Variants in KIF16B observed in about 807,000 individuals in gnomAD.
KIF16B encodes kinesin-like protein KIF16B.
A neutral mutation model predicts 156.3 loss-of-function variants in KIF16B; 98 were observed. That is an observed-to-expected ratio of 0.63 (90% CI 0.53 to 0.74). The LOEUF (loss-of-function observed/expected upper bound fraction) is 0.74. KIF16B is among the 30% of genes least tolerant of loss of function. KIF16B has a pLI of 0.00. For synonymous variants in KIF16B, 564 were observed against 583.7 expected, an observed-to-expected ratio of 0.97 and a Z score of 0.49; for missense variants, 1,421 against 1,606.5, an observed-to-expected ratio of 0.88 and a Z score of 1.97.
chr20:16,367,444 G>A (rs866021454), intron 22 of KIF16B: 3 of 1,612,900 alleles, frequency 1.9e-6, no homozygotes, highest in East Asian at 2.2e-5. Context: ...TGCACCCGGA[G>A]GAGGTATGTT....
At chr20:16,301,810 C>T (rs546289423) in intron 25 of KIF16B, among the ~76,000 whole-genome samples, 12 of 152,070 alleles carry the variant, frequency 7.9e-5, no homozygotes, top group South Asian at 2.1e-4. Context: ...CCACTACACC[C>T]GGCTAATTTT....
intron 17 of KIF16B, among the ~76,000 whole-genome samples, chr20:16,397,222 T>G (rs1007097726): frequency 1.3e-5 from 2 of 152,098 alleles, no homozygotes; most frequent in African/African-American, 2.4e-5. Flanking sequence ...TGCAGGAAAA[T>G]TATCTCCTGG....
chr20:16,360,972 A>T lies in KIF16B; in HGVS notation c.3499-4520T>A, dbSNP rs182487357. Reference sequence around the variant, plus strand: ...GAGTCATTAACAGTTGTCCCTAAACATTCTAATTATGTACCAGACGGTCAA... The same window carrying T: ...GAGTCATTAACAGTTGTCCCTAAACTTTCTAATTATGTACCAGACGGTCAA... On this transcript the variant is annotated intron_variant, in intron 22 of 25. Coordinates refer to ENST00000354981, the MANE Select transcript of KIF16B (RefSeq NM_024704.5). Among the ~76,000 whole-genome samples, 152 of 152,330 alleles carry T rather than the reference A, an allele frequency of 1.0e-3. 2 individuals are homozygous for T. Among genetic ancestry groups the T allele is most frequent in the Non-Finnish European group, 2.5e-4 (17 of 68,038 alleles).
At position 16,573,276 on chromosome 20, in the gene KIF16B, C is replaced by A. The variant is rs1241475819; in HGVS notation, c.-1G>T. ...TCACGGCCACCTTGACCGATGCCAT[C>A]GCTCATCCCGAACCAGCCCGCGCGG... On this transcript the variant is annotated 5_prime_UTR_variant, in exon 1 of 26. Coordinates refer to ENST00000354981, the MANE Select transcript of KIF16B (RefSeq NM_024704.5). 1.2e-6 allele frequency: 2 copies of A among 1,609,928 alleles called. No homozygotes were observed. The highest frequency in any genetic ancestry group is 1.1e-5 in the South Asian group (1 of 90,416).
chr20:16,367,145 C>T, intron 22 of KIF16B: 1 of 1,586,682 alleles, frequency 6.3e-7, no homozygotes, highest in African/African-American at 1.4e-5. Context: ...AAGTCTCCTC[C>T]TTAGAGTCTT....
intron 17 of KIF16B, among the ~76,000 whole-genome samples, chr20:16,387,523 A>G (rs1341492171): frequency 6.6e-6 from 1 of 152,232 alleles, no homozygotes; most frequent in African/African-American, 2.4e-5. Context: ...TTACAGGAAA[A>G]GAAATCAAAG....
intron 2 of KIF16B, among the ~76,000 whole-genome samples, chr20:16,527,385 T>G (rs759695403): frequency 1.3e-5 from 2 of 152,194 alleles, no homozygotes; most frequent in Non-Finnish European, 2.9e-5. Flanking sequence ...ACTTTGAAAT[T>G]GGATCTCAAA....
At chr20:16,363,736 T>C (rs1056096310) in intron 22 of KIF16B, among the ~76,000 whole-genome samples, 1 of 152,218 alleles carries the variant, frequency 6.6e-6, no homozygotes, top group Admixed American at 6.5e-5. Context: ...AGACCGACCC[T>C]GGTTGAGCAA....
At chr20:16,383,515 T>A (rs1419561551) in intron 17 of KIF16B, among the ~76,000 whole-genome samples, 1 of 152,214 alleles carries the variant, frequency 6.6e-6, no homozygotes, top group East Asian at 1.9e-4. Context: ...AAATCAGCCA[T>A]ATAAATCTAA....
At chr20:16,549,728 G>C (rs1228271328) in intron 1 of KIF16B, among the ~76,000 whole-genome samples, 5 of 139,870 alleles carry the variant, frequency 3.6e-5, no homozygotes, top group Admixed American at 7.3e-5. Flanking sequence ...ACAAACCTGA[G>C]AAAAACAAGC....
chr20:16,412,506 C>T (rs2065983288), intron 15 of KIF16B, among the ~76,000 whole-genome samples: 1 of 152,138 alleles, frequency 6.6e-6, no homozygotes, highest in Non-Finnish European at 1.5e-5. Flanking sequence ...ATGTAACTGA[C>T]TCACAGTTCA....
intron 24 of KIF16B, among the ~76,000 whole-genome samples, chr20:16,329,618 A>C (rs945317786): frequency 2.0e-5 from 3 of 152,154 alleles, no homozygotes; most frequent in African/African-American, 7.2e-5. Context: ...CACTTTACAG[A>C]CGTGAACTGG....
chr20:16,473,901 A>C (rs2146780386), intron 12 of KIF16B, among the ~76,000 whole-genome samples: 1 of 152,254 alleles, frequency 6.6e-6, no homozygotes, highest in East Asian at 1.9e-4. Context: ...ATGAGCTCTG[A>C]GTATTTTTCC....
At chr20:16,422,159 T>C (rs1010455381) in intron 15 of KIF16B, among the ~76,000 whole-genome samples, 8 of 152,102 alleles carry the variant, frequency 5.3e-5, no homozygotes, top group Non-Finnish European at 8.8e-5. Context: ...ACAAGACAAT[T>C]AGAGAGGTAA....
chr20:16,472,060 A>G (rs1044980106), intron 12 of KIF16B, among the ~76,000 whole-genome samples: 6 of 152,360 alleles, frequency 3.9e-5, no homozygotes, highest in Non-Finnish European at 5.9e-5. Context: ...TCGTCTATTG[A>G]GCACATTTGA....
At chr20:16,480,697 A>T (rs913536015) in intron 12 of KIF16B, among the ~76,000 whole-genome samples, 1 of 152,222 alleles carries the variant, frequency 6.6e-6, no homozygotes, top group Non-Finnish European at 1.5e-5. Context: ...TACACATCTT[A>T]ATCTGGGTGT....
intron 12 of KIF16B, among the ~76,000 whole-genome samples, chr20:16,482,939 C>T (rs1245300474): frequency 6.6e-6 from 1 of 152,148 alleles, no homozygotes; most frequent in African/African-American, 2.4e-5. Flanking sequence ...CTTGATTCAT[C>T]TCAATCAATC....
Position 16,380,073 on chromosome 20 carries a change from C to G in KIF16B, c.1929G>C (p.Glu643Asp). ...MQQEVETQRKETEIVQLQIRK... is the reference protein window; with the variant it reads ...MQQEVETQRKDTEIVQLQIRK... Reference sequence around the variant, plus strand: ...GAATCTGGAGCTGCACGATTTCTGTCTCCTTGCGCTGGGTCTCCACCTCCT... The same window carrying G: ...GAATCTGGAGCTGCACGATTTCTGTGTCCTTGCGCTGGGTCTCCACCTCCT... Residue 643 changes from glutamate to aspartate, a missense_variant, in exon 19 of 26, where the codon GAG (glutamate) becomes GAC (aspartate). Coordinates refer to ENST00000354981, the MANE Select transcript of KIF16B (RefSeq NM_024704.5). 6.5e-7 allele frequency: 1 copy of G among 1,546,676 alleles called. No individual in the cohort carries two copies. Among genetic ancestry groups the G allele is most frequent in the Non-Finnish European group, 8.7e-7 (1 of 1,151,712 alleles).
intron 17 of KIF16B, among the ~76,000 whole-genome samples, chr20:16,398,521 G>A (rs1482341272): frequency 6.6e-6 from 1 of 152,172 alleles, no homozygotes; most frequent in Non-Finnish European, 1.5e-5. Context: ...GATAGAGAAA[G>A]TCAGGAATCA....
Sources: gnomAD v4.1 joint callset for allele counts (sites outside exome capture counted in the v4.1 genomes callset) on GRCh38, gnomAD v4.1.1 for gene constraint, MANE v1.5 for transcripts, NCBI Gene and HGNC (gene_info 2026-07-23, HGNC 2026-07-21) for gene names.